The following PLGRKT variants were observed in gnomAD, a reference collection of about 807,000 sequenced individuals.
The protein encoded by PLGRKT is plasminogen receptor (KT).
Under a neutral mutation model 18.5 loss-of-function variants are expected in PLGRKT, and 22 were observed. The observed-to-expected ratio is 1.19, with a 90% CI of 0.85 to 1.70. PLGRKT has a LOEUF of 1.70. Among genes scored for constraint, PLGRKT ranks in the 40% most tolerant of loss-of-function variants. PLGRKT has a pLI of 0.00. For synonymous variants in PLGRKT, 72 were observed against 52.8 expected (o/e 1.36, Z -1.58); for missense variants, 235 against 174.4 (o/e 1.35, Z -1.96).
chr9:5,397,971 C>T (rs991139266), intron 3 of PLGRKT, among the ~76,000 whole-genome samples: 8 of 151,970 alleles, frequency 5.3e-5, no homozygotes, highest in Non-Finnish European at 2.9e-5. Context: ...GAGGACATAG[C>T]TGAGATCTGT....
chr9:5,400,680 G>T (rs1188987165), intron 3 of PLGRKT, among the ~76,000 whole-genome samples: 1 of 151,808 alleles, frequency 6.6e-6, no homozygotes. Context: ...ACTCAACCTT[G>T]TCTTTTCATC....
rs529543912 is a variant in PLGRKT, at chr9:5,392,966, C to T, written c.82-31078G>A. The stretch of plus-strand genomic sequence containing the variant: ...AAGTGATTCTCCTGCCTCAGCCTCC[C>T]GAGTAGCTGTGATTACAGGTGTGTG... On this transcript the variant is annotated intron_variant, in intron 3 of 5. Coordinates refer to ENST00000223864, the MANE Select transcript of PLGRKT (RefSeq NM_018465.4). 1.5e-4 allele frequency among the ~76,000 whole-genome samples: 23 copies of T among 151,740 alleles called. 1 individual carries two copies. In the South Asian group the frequency reaches 4.2e-3, roughly 27 times the overall value.
At chr9:5,424,757 C>G (rs937876328) in intron 3 of PLGRKT, among the ~76,000 whole-genome samples, 1 of 143,838 alleles carries the variant, frequency 7.0e-6, no homozygotes, top group Admixed American at 7.1e-5. Context: ...AGTTTTGTCA[C>G]GTTGCCCGGG....
At chr9:5,436,737 G>A (rs1397710152) in intron 1 of PLGRKT, 43 bp from the exon 2 acceptor site, 4 of 152,136 alleles carry the variant, frequency 2.6e-5, no homozygotes, top group Non-Finnish European at 5.9e-5. Context: ...ATTTCACCCT[G>A]GAGTTCAGTA....
At position 5,361,906 on chromosome 9, in the gene PLGRKT, G is replaced by A. The variant is rs779699078; in HGVS notation, c.82-18C>T. 1 of 1,606,518 alleles carries A rather than the reference G, an allele frequency of 6.2e-7. No individual in the cohort carries two copies. The highest frequency in any genetic ancestry group is 1.1e-5 in the South Asian group (1 of 89,404). On this transcript the variant is annotated intron_variant, in intron 3 of 5. Transcript: ENST00000223864. ...CTTTCCAGCTAAGGACAAAACAAAA[G>A]ACAAAGTAAAGTTACTCATCTTTGG...
intron 3 of PLGRKT, among the ~76,000 whole-genome samples, chr9:5,408,518 A>G (rs1330521859): frequency 3.3e-5 from 5 of 152,262 alleles, no homozygotes; most frequent in Non-Finnish European, 7.3e-5. Context: ...CTAGGCTCAT[A>G]TGCACAAGCA....
chr9:5,361,328 A>G (rs1432105279), intron 4 of PLGRKT, 141 bp from the exon 5 acceptor site: 8 of 592,280 alleles, frequency 1.4e-5, no homozygotes, highest in African/African-American at 1.9e-5. Context: ...TGATAATTCT[A>G]TGGAAATAGG....
intron 3 of PLGRKT, among the ~76,000 whole-genome samples, chr9:5,407,759 G>A (rs1463697128): frequency 1.3e-5 from 2 of 152,144 alleles, no homozygotes; most frequent in East Asian, 3.8e-4. Flanking sequence ...AAAACCCTAG[G>A]AACCAAGTTA....
chr9:5,377,182 G>A (rs954795399), intron 3 of PLGRKT, among the ~76,000 whole-genome samples: 2 of 151,924 alleles, frequency 1.3e-5, no homozygotes, highest in African/African-American at 2.4e-5. Flanking sequence ...GCTGGAAAGT[G>A]CTTAGACACA....
chr9:5,420,852 A>T (rs1452183801), intron 3 of PLGRKT, among the ~76,000 whole-genome samples: 1 of 152,232 alleles, frequency 6.6e-6, no homozygotes, highest in Non-Finnish European at 1.5e-5. Flanking sequence ...TCCTCAAAAA[A>T]CAAGCAAGTA....
chr9:5,385,069 G>C (rs939889842), intron 3 of PLGRKT, among the ~76,000 whole-genome samples: 1 of 152,126 alleles, frequency 6.6e-6, no homozygotes. Context: ...GGCAGATCAT[G>C]TGGGACCTTC....
Position 5,418,735 on chromosome 9 carries a change from G to T in PLGRKT, c.81+13162C>A. The T allele has an allele frequency of 1.5e-6, 1 of 679,420 alleles. No homozygotes were observed. The allele number at this position is 679,420 out of a possible 1,614,324, so 42.1% of individuals were successfully genotyped here. On this transcript the variant is annotated intron_variant, in intron 3 of 5. Transcript: ENST00000223864. The surrounding 1 kb of genome is among the most constrained non-coding windows in gnomAD (Gnocchi z 4.2). Reference sequence around the variant, plus strand: ...GACCGGCATGTGCTCCGAAGCGTGTGGAATGGTGATGACAGCCAGGACCTC... The same window carrying T: ...GACCGGCATGTGCTCCGAAGCGTGTTGAATGGTGATGACAGCCAGGACCTC...
chr9:5,384,011 G>A (rs1157425894), intron 3 of PLGRKT, among the ~76,000 whole-genome samples: 1 of 152,208 alleles, frequency 6.6e-6, no homozygotes, highest in African/African-American at 2.4e-5. Flanking sequence ...CCATTTACAT[G>A]GAGCCACTCC....
At chr9:5,400,246 A>T (rs961227017) in intron 3 of PLGRKT, among the ~76,000 whole-genome samples, 2 of 151,764 alleles carry the variant, frequency 1.3e-5, no homozygotes, top group Non-Finnish European at 1.5e-5. Flanking sequence ...CATAATCCCC[A>T]CTCAATATAA....
Position 5,381,917 on chromosome 9 carries a change from G to C in PLGRKT, c.82-20029C>G. 3 of 985,104 alleles carry C rather than the reference G, an allele frequency of 3.0e-6. No individual in the cohort carries two copies. The South Asian group carries it at 1.4e-4, about 46-fold the overall frequency. 61.0% of individuals were successfully genotyped at this position (985,104 alleles called of 1,614,324 possible). A position where few individuals can be genotyped will look rare whatever the true frequency, so the allele number is the denominator to read the frequency against. ...ATCACAGAGGGACCACATCATGAGA[G>C]GAAGAGTCTGCTCCGAGACAGGGCC... On this transcript the variant is annotated intron_variant, in intron 3 of 5. Transcript: ENST00000223864.
At chr9:5,363,915 G>C (rs559588324) in intron 3 of PLGRKT, among the ~76,000 whole-genome samples, 25 of 152,314 alleles carry the variant, frequency 1.6e-4, no homozygotes, top group African/African-American at 5.1e-4. Context: ...TTTAAAAATA[G>C]ATGTGTTTTT....
chr9:5,358,399 G>A (rs767236518), intron 5 of PLGRKT, 39 bp from the exon 6 acceptor site: 1 of 1,602,002 alleles, frequency 6.2e-7, no homozygotes, highest in South Asian at 1.1e-5. Context: ...TGACAAAGGG[G>A]TCATCAGCAA....
intron 3 of PLGRKT, among the ~76,000 whole-genome samples, chr9:5,423,803 A>C (rs1171130776): frequency 6.7e-6 from 1 of 148,622 alleles, no homozygotes; most frequent in Non-Finnish European, 1.5e-5. Context: ...CCCAGGCTCA[A>C]GCAATCCTCC....
intron 3 of PLGRKT, among the ~76,000 whole-genome samples, chr9:5,382,897 G>A (rs978626939): frequency 6.6e-6 from 1 of 152,186 alleles, no homozygotes; most frequent in Admixed American, 6.5e-5. Flanking sequence ...GGAGAAGGAA[G>A]GGAAGAGTAG....
Sources: gnomAD v4.1 joint callset for allele counts (sites outside exome capture counted in the v4.1 genomes callset) on GRCh38, gnomAD v4.1.1 for gene constraint, Gnocchi (gnomAD v3.1) non-coding constraint, MANE v1.5 for transcripts, NCBI Gene and HGNC (gene_info 2026-07-23, HGNC 2026-07-21) for gene names.